The following CECR2 variants were observed in gnomAD, a reference collection of about 807,000 sequenced individuals.
The protein encoded by CECR2 is chromatin remodeling regulator CECR2.
A neutral mutation model predicts 154.5 loss-of-function variants in CECR2; 30 were observed. The observed-to-expected ratio is 0.19, with a 90% confidence interval of 0.15 to 0.26. The LOEUF (loss-of-function observed/expected upper bound fraction) is 0.26. CECR2 is among the 10% of genes least tolerant of loss of function. CECR2 has a pLI of 1.00. For synonymous variants in CECR2, 725 were observed against 683.7 expected, an observed-to-expected ratio of 1.06 and a Z score of -0.94; for missense variants, 1,743 against 1,829.3, an observed-to-expected ratio of 0.95 and a Z score of 0.86.
intron 1 of CECR2, among the ~76,000 whole-genome samples, chr22:17,429,646 A>G (rs2054391397): frequency 6.6e-6 from 1 of 152,158 alleles, no homozygotes; most frequent in South Asian, 2.1e-4. Context: ...GGGTTGACTT[A>G]TGGAAGATAA....
rs560812051 is a variant in CECR2, at chr22:17,544,678, C to T, written c.2860+1675C>T. 3.0e-4 allele frequency among the ~76,000 whole-genome samples: 45 copies of T among 151,436 alleles called. No homozygotes were observed. In the South Asian group the frequency reaches 9.2e-3, roughly 31 times the overall value. ...TACAAAAATTAGCCAAGCATAGTGG[C>T]AGGTGCCTGTAGTCCCAGCTACTCA... On this transcript the variant is annotated intron_variant, in intron 16 of 18. Coordinates refer to ENST00000262608, the MANE Select transcript of CECR2 (RefSeq NM_001290047.2).
chr22:17,447,555 A>T (rs2401122), intron 1 of CECR2, among the ~76,000 whole-genome samples: 2 of 151,526 alleles, frequency 1.3e-5, no homozygotes, highest in East Asian at 1.9e-4. Flanking sequence ...TTCATTCATT[A>T]GTTCATTCAT....
chr22:17,447,889 GTTTGTT>G (rs2054702383), intron 1 of CECR2, among the ~76,000 whole-genome samples: 2 of 151,014 alleles, frequency 1.3e-5, no homozygotes, highest in Non-Finnish European at 3.0e-5. Flanking sequence ...TTTTTTGTTT[GTTTGTT>G]TTTGTTTTTA....
chr22:17,433,424 C>G (rs1022696451), intron 1 of CECR2, among the ~76,000 whole-genome samples: 3 of 152,150 alleles, frequency 2.0e-5, no homozygotes, highest in African/African-American at 7.2e-5. Flanking sequence ...ACATTCTCCC[C>G]TGTCATCACA....
chr22:17,462,493 G>A (rs1056549409), intron 1 of CECR2, among the ~76,000 whole-genome samples: 3 of 152,160 alleles, frequency 2.0e-5, no homozygotes, highest in East Asian at 3.9e-4. Flanking sequence ...GGAGTCTTTG[G>A]AGGCTTCTAC....
intron 1 of CECR2, among the ~76,000 whole-genome samples, chr22:17,426,383 GTC>G (rs903127093): frequency 6.6e-6 from 1 of 151,920 alleles, no homozygotes; most frequent in East Asian, 1.9e-4. Flanking sequence ...CCTGAGACGA[GTC>G]TCTCTCTGTC....
intron 1 of CECR2, among the ~76,000 whole-genome samples, chr22:17,381,775 T>C (rs1484498205): frequency 6.6e-6 from 1 of 152,092 alleles, no homozygotes; most frequent in African/African-American, 2.4e-5. Flanking sequence ...CTGTAAGAGT[T>C]CAGAGGAAGG....
At position 17,379,998 on chromosome 22, in the gene CECR2, A is replaced by G. The variant is rs5747082; in HGVS notation, c.126+10089A>G. ...ATCTTGGGGTATTCAATCCCCACAG[A>G]GACCCTGTGTCTTGTTTTTTATTCT... On this transcript the variant is annotated intron_variant, in intron 1 of 18. Coordinates refer to ENST00000262608, the MANE Select transcript of CECR2 (RefSeq NM_001290047.2). Among the ~76,000 whole-genome samples the G allele has an allele frequency of 0.011, 1,749 of 152,226 alleles. 116 individuals carry two copies. In the East Asian group the frequency reaches 0.19, roughly 17 times the overall value.
intron 2 of CECR2, among the ~76,000 whole-genome samples, chr22:17,486,463 G>C (rs2055422197): frequency 6.6e-6 from 1 of 152,220 alleles, no homozygotes; most frequent in Admixed American, 6.5e-5. Flanking sequence ...CTGGGGGCGT[G>C]TCAGTCACAT....
chr22:17,361,946 G>A (rs1192341470), intron 1 of CECR2, among the ~76,000 whole-genome samples: 3 of 152,154 alleles, frequency 2.0e-5, no homozygotes, highest in Non-Finnish European at 4.4e-5. Context: ...GTTAGAGAAA[G>A]AGGTGGAAGG....
rs532235557 is a variant in CECR2, at chr22:17,410,342, G to T, written c.126+40433G>T. Among the ~76,000 whole-genome samples, 82 of 152,184 alleles carry T rather than the reference G, an allele frequency of 5.4e-4. 1 individual carries two copies. Among genetic ancestry groups the T allele is most frequent in the Non-Finnish European group, 1.1e-3 (75 of 68,012 alleles). Reference sequence around the variant, plus strand: ...CTGACAGTAGATTTGTTTATATAGCGTAAGCCTTGTCAGGATTTTTCTAAT... The same window carrying T: ...CTGACAGTAGATTTGTTTATATAGCTTAAGCCTTGTCAGGATTTTTCTAAT... On this transcript the variant is annotated intron_variant, in intron 1 of 18. Transcript: ENST00000262608.
At chr22:17,405,770 A>T (rs1601299956) in intron 1 of CECR2, among the ~76,000 whole-genome samples, 1 of 151,954 alleles carries the variant, frequency 6.6e-6, no homozygotes, top group African/African-American at 2.4e-5. Context: ...TGTAGATTCC[A>T]TTGGATTTTC....
At chr22:17,543,666 T>G (rs2056566716) in intron 16 of CECR2, among the ~76,000 whole-genome samples, 1 of 151,494 alleles carries the variant, frequency 6.6e-6, no homozygotes, top group Non-Finnish European at 1.5e-5. Flanking sequence ...TTCAAGCAAT[T>G]CTCCTGCCTC....
At chr22:17,542,055 C>A (rs2056532320) in intron 15 of CECR2, 88 bp downstream of exon 15, 1 of 1,568,174 alleles carries the variant, frequency 6.4e-7, no homozygotes. Context: ...AAATGTTGTT[C>A]ATTGCGTCCT....
intron 1 of CECR2, among the ~76,000 whole-genome samples, chr22:17,461,792 C>CT (rs145094879): frequency 0.055 from 7,481 of 137,168 alleles, 311 homozygotes; most frequent in East Asian, 0.16. Flanking sequence ...GTACCCGTTA[C>CT]TTTTTTTTTT....
chr22:17,365,632 C>T (rs1601226457), upstream of CECR2, among the ~76,000 whole-genome samples: 1 of 151,660 alleles, frequency 6.6e-6, no homozygotes, highest in Non-Finnish European at 1.5e-5. Context: ...GGAGGCGGAG[C>T]TTGCAGTGAG....
At chr22:17,401,531 A>C (rs1163241351) in intron 1 of CECR2, among the ~76,000 whole-genome samples, 1 of 149,824 alleles carries the variant, frequency 6.7e-6, no homozygotes, top group East Asian at 2.0e-4. Context: ...CTGTTACTGT[A>C]TGTTAGTTTA....
At chr22:17,388,373 C>T (rs976665502) in intron 1 of CECR2, among the ~76,000 whole-genome samples, 5 of 152,206 alleles carry the variant, frequency 3.3e-5, no homozygotes, top group African/African-American at 1.2e-4. Flanking sequence ...TTTAATTCCC[C>T]CATGAGGCAG....
chr22:17,500,826 G>A (rs780428900), intron 5 of CECR2, 91 bp downstream of exon 5: 22 of 913,560 alleles, frequency 2.4e-5, no homozygotes, highest in Non-Finnish European at 3.6e-5. Flanking sequence ...CTGTGCCATG[G>A]GAAGCACATT....
Sources: allele counts gnomAD v4.1 joint callset (sites outside exome capture counted in the v4.1 genomes callset), GRCh38; gene constraint gnomAD v4.1.1; transcripts MANE v1.5; gene names NCBI Gene and HGNC (gene_info 2026-07-23, HGNC 2026-07-21).